TLK2: variants seen among roughly 807,000 people sequenced by gnomAD.
The protein encoded by TLK2 is serine/threonine-protein kinase tousled-like 2.
A neutral mutation model predicts 117.3 loss-of-function variants in TLK2; 6 were observed. The ratio of observed to expected loss-of-function variants is 0.05; its 90% CI spans 0.03 to 0.10. The LOEUF is 0.10. Among genes scored for constraint, TLK2 ranks in the 10% least tolerant of loss-of-function variants. The probability of loss-of-function intolerance (pLI) is 1.00; values close to 1 mark genes in which losing one functional copy is unlikely to be tolerated. For synonymous variants in TLK2, 257 were observed against 316.7 expected (o/e 0.81, Z 2.00); for missense variants, 299 against 901.2 (o/e 0.33, Z 8.56).
intron 21 of TLK2, chr17:62,611,986 C>T (rs2083817327): frequency 6.4e-6 from 1 of 155,154 alleles, no homozygotes; most frequent in African/African-American, 2.4e-5. Flanking sequence ...TTTTCGCTTC[C>T]TCAGGAAGTT....
intron 19 of TLK2, among the ~76,000 whole-genome samples, chr17:62,604,922 ACTC>A (rs1048401333): frequency 3.9e-5 from 6 of 152,004 alleles, no homozygotes; most frequent in African/African-American, 1.5e-4. Context: ...GAGTTCAACA[ACTC>A]CTATTCTTTC....
At chr17:62,555,848 G>A (rs1327821224) in intron 9 of TLK2, among the ~76,000 whole-genome samples, 3 of 151,952 alleles carry the variant, frequency 2.0e-5, no homozygotes, top group Admixed American at 1.3e-4. Flanking sequence ...GTGCAGTGGC[G>A]CAGTCTTGCA....
chr17:62,584,028 G>GTAGT (rs900079901), intron 15 of TLK2, among the ~76,000 whole-genome samples: 1 of 150,690 alleles, frequency 6.6e-6, no homozygotes, highest in African/African-American at 2.4e-5. Flanking sequence ...GTACAGTGTA[G>GTAGT]TAGTTAGAGA....
chr17:62,549,329 G>A (rs1391280872), intron 7 of TLK2, among the ~76,000 whole-genome samples: 2 of 134,356 alleles, frequency 1.5e-5, no homozygotes, highest in East Asian at 2.4e-4. Context: ...AACCTGGGAG[G>A]CAGAGCTTGC....
rs557384944 is a variant in TLK2, at chr17:62,557,470, A to G, written c.721-2546A>G. ...ATTTTTGTTGTTGTTTTTATTTACT[A>G]TTGTTATTTTTATTTCCTTTCCTCC... On this transcript the variant is annotated intron_variant, in intron 9 of 21. Coordinates refer to ENST00000346027, the MANE Select transcript of TLK2 (RefSeq NM_006852.6). 4.6e-5 allele frequency among the ~76,000 whole-genome samples: 7 copies of G among 152,008 alleles called. No individual in the cohort carries two copies. In the South Asian group the frequency reaches 1.5e-3, roughly 32 times the overall value.
At chr17:62,547,836 C>G (rs1305267919) in intron 7 of TLK2, among the ~76,000 whole-genome samples, 2 of 151,568 alleles carry the variant, frequency 1.3e-5, no homozygotes, top group African/African-American at 4.9e-5. Flanking sequence ...AAAAGCAGAT[C>G]TCTATCCAGC....
intron 16 of TLK2, among the ~76,000 whole-genome samples, chr17:62,595,453 A>G (rs1298747470): frequency 6.6e-6 from 1 of 152,112 alleles, no homozygotes; most frequent in Non-Finnish European, 1.5e-5. Context: ...CTGGCAGCAC[A>G]GTAGGTTTGT....
At chr17:62,557,899 G>A (rs933585102) in intron 9 of TLK2, among the ~76,000 whole-genome samples, 6 of 152,052 alleles carry the variant, frequency 3.9e-5, no homozygotes, top group East Asian at 3.8e-4. Context: ...CTTCTACTCC[G>A]TCGTCTTCAG....
At chr17:62,561,999 T>C (rs1259197765) in intron 10 of TLK2, among the ~76,000 whole-genome samples, 1 of 152,198 alleles carries the variant, frequency 6.6e-6, no homozygotes, top group East Asian at 1.9e-4. Flanking sequence ...AATTGTAGTA[T>C]CTACTTACTG....
Position 62,612,495 on chromosome 17 carries a change from C to T in TLK2, c.2183C>T (p.Ser728Phe). The T allele has an allele frequency of 1.2e-6, 2 of 1,614,204 alleles. No homozygotes were observed. Among genetic ancestry groups the T allele is most frequent in the South Asian group, 1.1e-5 (1 of 91,080 alleles). The change falls in exon 22 of 22, where the codon TCT becomes TTT. Residue 728 changes from serine (S) to phenylalanine (F), a missense_variant. This residue lies in a region of TLK2 where 19 missense variants were observed against 29.2 expected (regional missense o/e 0.65). Coordinates refer to ENST00000346027, the MANE Select transcript of TLK2 (RefSeq NM_006852.6). ...YLLPHIRKSV[S>F]TSSPAGAAIA... ...TTGCCTCACATCCGAAAGTCAGTCT[C>T]TACAAGTAGCCCTGCTGGAGCTGCT...
At chr17:62,524,366 G>A (rs769975188) in intron 6 of TLK2, 35 bp downstream of exon 6, 1 of 1,580,800 alleles carries the variant, frequency 6.3e-7, no homozygotes, top group South Asian at 1.1e-5. Flanking sequence ...GACACCTGTT[G>A]TAGGAGACAA....
intron 1 of TLK2, among the ~76,000 whole-genome samples, chr17:62,471,537 A>G (rs2070939047): frequency 6.6e-6 from 1 of 152,208 alleles, no homozygotes; most frequent in Admixed American, 6.6e-5. Flanking sequence ...GTCAGAGATC[A>G]GTCTTTAGCT....
intron 9 of TLK2, 147 bp downstream of exon 9, chr17:62,553,902 G>A (rs1344731366): frequency 3.4e-6 from 2 of 580,102 alleles, no homozygotes; most frequent in African/African-American, 3.8e-5. Context: ...GAGGGAATCT[G>A]AGTAGGAACC....
intron 16 of TLK2, among the ~76,000 whole-genome samples, chr17:62,594,642 A>G (rs1340222144): frequency 6.6e-5 from 10 of 152,240 alleles, no homozygotes; most frequent in African/African-American, 7.2e-5. Context: ...TGAGCTTTAT[A>G]TACATTTAAG....
intron 7 of TLK2, among the ~76,000 whole-genome samples, chr17:62,541,743 A>G (rs1399279344): frequency 9.8e-6 from 1 of 101,754 alleles, no homozygotes; most frequent in East Asian, 3.1e-4. Flanking sequence ...CTCTTGCCTC[A>G]GTTTCCAGAG....
intron 17 of TLK2, 136 bp from the exon 18 acceptor site, chr17:62,600,515 T>A (rs1173736028): frequency 1.4e-6 from 1 of 722,020 alleles, no homozygotes; most frequent in African/African-American, 1.8e-5. Flanking sequence ...GAATAAACAA[T>A]TGAAGAGTAT....
At chr17:62,571,187 G>A (rs568852086) in intron 11 of TLK2, among the ~76,000 whole-genome samples, 9 of 152,216 alleles carry the variant, frequency 5.9e-5, no homozygotes, top group Non-Finnish European at 8.8e-5. Context: ...TCCCTTGTGG[G>A]GAATTGGTTC....
intron 1 of TLK2, among the ~76,000 whole-genome samples, chr17:62,473,190 C>A (rs1244141148): frequency 8.5e-5 from 13 of 152,178 alleles, no homozygotes; most frequent in Non-Finnish European, 1.9e-4. Context: ...ACAGAGAAAA[C>A]TGCTCACTGC....
chr17:62,473,434 ATAC>A (rs2070979702), intron 1 of TLK2, among the ~76,000 whole-genome samples: 2 of 152,236 alleles, frequency 1.3e-5, no homozygotes, highest in Admixed American at 1.3e-4. Flanking sequence ...AACACGCTAA[ATAC>A]TACATCTACA....
Sources: allele counts gnomAD v4.1 joint callset (sites outside exome capture counted in the v4.1 genomes callset), GRCh38; gene constraint gnomAD v4.1.1; regional missense constraint gnomAD v4.1.1; transcripts MANE v1.5; gene names NCBI Gene and HGNC (gene_info 2026-07-23, HGNC 2026-07-21).